The following DNAJC17 variants were observed in gnomAD, a reference collection of about 807,000 sequenced individuals.
DNAJC17 encodes dnaJ homolog subfamily C member 17.
DNAJC17 carries 35 observed loss-of-function variants against 48.1 expected under a neutral mutation model. The ratio of observed to expected loss-of-function variants is 0.73; its 90% CI spans 0.56 to 0.96. DNAJC17 has a LOEUF of 0.96. Among genes scored for constraint, DNAJC17 ranks in the 50% least tolerant of loss-of-function variants. DNAJC17 has a pLI of 0.00. For synonymous variants in DNAJC17, 117 were observed against 142.7 expected (o/e 0.82, Z 1.28); for missense variants, 355 against 377.1 (o/e 0.94, Z 0.48).
chr15:40,776,447 G>T (rs1889323960), intron 5 of DNAJC17, 95 bp downstream of exon 5: 3 of 1,511,996 alleles, frequency 2.0e-6, no homozygotes, highest in South Asian at 2.3e-5. Context: ...GGTGCAAAGA[G>T]CATGCCCTCT....
chr15:40,774,483 T>C (rs758068795), intron 8 of DNAJC17, 47 bp from the exon 9 acceptor site: 20 of 1,602,988 alleles, frequency 1.2e-5, no homozygotes, highest in Non-Finnish European at 1.7e-5. Flanking sequence ...GCCTTCAGGA[T>C]GGCCCAGGTC....
At chr15:40,787,943 C>T (rs1191709063) in intron 1 of DNAJC17, among the ~76,000 whole-genome samples, 1 of 152,182 alleles carries the variant, frequency 6.6e-6, no homozygotes, top group Non-Finnish European at 1.5e-5. Flanking sequence ...TGTAATAAAG[C>T]TTGGAGCCAG....
intron 1 of DNAJC17, among the ~76,000 whole-genome samples, chr15:40,782,810 A>C (rs905222129): frequency 3.3e-5 from 5 of 152,070 alleles, no homozygotes; most frequent in Non-Finnish European, 5.9e-5. Flanking sequence ...GTGTGCTGCC[A>C]CCTGCTGGGC....
At chr15:40,797,300 G>A (rs1889961882) in intron 1 of DNAJC17, among the ~76,000 whole-genome samples, 1 of 152,270 alleles carries the variant, frequency 6.6e-6, no homozygotes, top group Admixed American at 6.5e-5. Context: ...GGCCCAGGAG[G>A]TTGAGGCTGC....
At position 40,770,634 on chromosome 15, in the gene DNAJC17, A is replaced by G. The variant is rs1435513446; in HGVS notation, c.793-2572T>C. On this transcript the variant is annotated intron_variant, in intron 10 of 10. Coordinates refer to ENST00000220496, the MANE Select transcript of DNAJC17 (RefSeq NM_018163.3). This position sits in a 1 kb window ranked among gnomAD's most constrained non-coding sequence, Gnocchi z 5.0. ...AGCAGGTGGGGACCACGAGGAGTACAGCAACCGAGAAGTCATCCGGGAGCT... is the reference window on the plus strand; with the variant it reads ...AGCAGGTGGGGACCACGAGGAGTACGGCAACCGAGAAGTCATCCGGGAGCT... 1 of 1,550,470 alleles carries G rather than the reference A, an allele frequency of 6.4e-7. No individual in the cohort carries two copies. Among genetic ancestry groups the G allele is most frequent in the Non-Finnish European group, 8.7e-7 (1 of 1,146,968 alleles).
intron 1 of DNAJC17, among the ~76,000 whole-genome samples, chr15:40,798,865 C>G (rs184968066): frequency 2.0e-3 from 309 of 152,260 alleles, no homozygotes; most frequent in African/African-American, 7.2e-3. Context: ...CGTTAACTCA[C>G]GACTTAATCC....
At position 40,775,744 on chromosome 15, in the gene DNAJC17, G is replaced by C; in HGVS notation, c.479-148C>G. On this transcript the variant is annotated intron_variant, in intron 6 of 10. Transcript: ENST00000220496. ...CCCAGCTCTGGTGAGGGCCTGGTGG[G>C]GAAAGCAGATGCCCATCCCCAGAGA... is the stretch of plus-strand genomic sequence containing the variant. 5 of 804,080 alleles carry C rather than the reference G, an allele frequency of 6.2e-6. No homozygotes were observed. The South Asian group carries it at 8.3e-5, about 13-fold the overall frequency. The allele number at this position is 804,080 out of a possible 1,614,324, so 49.8% of individuals were successfully genotyped here. A position where few individuals can be genotyped will look rare whatever the true frequency, so the allele number is the denominator to read the frequency against.
chr15:40,797,645 T>A (rs1359613745), intron 1 of DNAJC17, among the ~76,000 whole-genome samples: 3 of 150,672 alleles, frequency 2.0e-5, no homozygotes, highest in African/African-American at 7.3e-5. Flanking sequence ...CTCCTGACCT[T>A]GGGTGATGCA....
chr15:40,803,360 C>T (rs576117459), intron 1 of DNAJC17, among the ~76,000 whole-genome samples: 4 of 152,278 alleles, frequency 2.6e-5, no homozygotes, highest in South Asian at 4.1e-4. Flanking sequence ...AACCATGGTG[C>T]GGGGACACCA....
At chr15:40,796,087 T>C (rs999179036) in intron 1 of DNAJC17, among the ~76,000 whole-genome samples, 2 of 152,220 alleles carry the variant, frequency 1.3e-5, no homozygotes, top group Non-Finnish European at 2.9e-5. Flanking sequence ...TAAATATATT[T>C]ACTCTCAGTC....
chr15:40,804,159 A>G (rs529579468), intron 1 of DNAJC17, among the ~76,000 whole-genome samples: 316 of 151,816 alleles, frequency 2.1e-3, no homozygotes, highest in African/African-American at 7.1e-3. Context: ...AGAGAGAGAC[A>G]GGCTCTCACT....
chr15:40,777,463 A>C (rs1889361045), intron 4 of DNAJC17, among the ~76,000 whole-genome samples: 1 of 152,174 alleles, frequency 6.6e-6, no homozygotes, highest in African/African-American at 2.4e-5. Flanking sequence ...TCACGCCTGT[A>C]ATCCCAGCAC....
chr15:40,770,904 A>G lies in DNAJC17; in HGVS notation c.792+2823T>C. The G allele has an allele frequency of 1.3e-6, 2 of 1,551,472 alleles. No individual in the cohort carries two copies. Among genetic ancestry groups the G allele is most frequent in the East Asian group, 4.9e-5 (2 of 40,916 alleles). On this transcript the variant is annotated intron_variant, in intron 10 of 10. Coordinates refer to ENST00000220496, the MANE Select transcript of DNAJC17 (RefSeq NM_018163.3). The surrounding 1 kb of genome is among the most constrained non-coding windows in gnomAD (Gnocchi z 5.0). ...TGTGGACACTCCCTGCTTCCAGAGG[A>G]CACCTACCCCAGACCTCAGTGATCC...
At chr15:40,771,864 A>G (rs953279332) in intron 10 of DNAJC17, 1 of 167,112 alleles carries the variant, frequency 6.0e-6, no homozygotes, top group African/African-American at 2.4e-5. Flanking sequence ...ATAACTCAGG[A>G]AAAAGACCAG....
chr15:40,786,884 T>C (rs1485810179), intron 1 of DNAJC17, among the ~76,000 whole-genome samples: 1 of 152,216 alleles, frequency 6.6e-6, no homozygotes, highest in Non-Finnish European at 1.5e-5. Flanking sequence ...CTACCACCCT[T>C]TTTCCATCCT....
chr15:40,780,821 TAAA>T (rs1346588394), intron 1 of DNAJC17, among the ~76,000 whole-genome samples: 7 of 144,804 alleles, frequency 4.8e-5, no homozygotes, highest in African/African-American at 1.8e-4. Flanking sequence ...TCAAATAAAA[TAAA>T]ATAAAATAAA....
chr15:40,775,161 C>A, intron 7 of DNAJC17, 53 bp from the exon 8 acceptor site: 1 of 1,586,332 alleles, frequency 6.3e-7, no homozygotes, highest in Non-Finnish European at 8.7e-7. Flanking sequence ...GTACCTCACC[C>A]CACGACTGAG....
chr15:40,765,784 C>A lies in DNAJC17; in HGVS notation c.*2156G>T. ...AAGGACAGGCAAGACCTTCCACCTCCTCCTGGCAGCCAGCCAAGCAGCCAC... is the reference window on the plus strand; with the variant it reads ...AAGGACAGGCAAGACCTTCCACCTCATCCTGGCAGCCAGCCAAGCAGCCAC... On this transcript the variant is annotated 3_prime_UTR_variant, in exon 11 of 11. Coordinates refer to ENST00000220496, the MANE Select transcript of DNAJC17 (RefSeq NM_018163.3). 9.5e-7 allele frequency: 1 copy of A among 1,050,884 alleles called. No individual in the cohort carries two copies. The allele number at this position is 1,050,884 out of a possible 1,614,324, so 65.1% of individuals were successfully genotyped here. A position where few individuals can be genotyped will look rare whatever the true frequency, so the allele number is the denominator to read the frequency against.
chr15:40,778,527 A>G (rs1226788690), intron 4 of DNAJC17, among the ~76,000 whole-genome samples: 1 of 151,906 alleles, frequency 6.6e-6, no homozygotes, highest in East Asian at 1.9e-4. Context: ...CTGGGATTAC[A>G]GGCGTGAGCC....
Sources: gnomAD v4.1 joint callset for allele counts (sites outside exome capture counted in the v4.1 genomes callset) on GRCh38, gnomAD v4.1.1 for gene constraint, Gnocchi (gnomAD v3.1) non-coding constraint, MANE v1.5 for transcripts, NCBI Gene and HGNC (gene_info 2026-07-23, HGNC 2026-07-21) for gene names.